Variants in CA13 observed in about 807,000 individuals in gnomAD.
CA13 encodes CA-XIII.
CA13 carries 21 observed loss-of-function variants against 31.5 expected under a neutral mutation model. That is an observed-to-expected ratio of 0.67 (90% CI 0.47 to 0.96). The LOEUF (loss-of-function observed/expected upper bound fraction) is 0.96, where lower values mean the gene tolerates loss of function less well. Ranked by LOEUF, CA13 falls within the 40% of genes least tolerant of loss-of-function variation. The probability of loss-of-function intolerance (pLI) is 0.00; values close to 1 mark genes in which losing one functional copy is unlikely to be tolerated. For synonymous variants in CA13, 117 were observed against 111.4 expected, an observed-to-expected ratio of 1.05 and a Z score of -0.32; for missense variants, 315 against 318.9, an observed-to-expected ratio of 0.99 and a Z score of 0.09.
At chr8:85,275,212 C>T (rs1807585311) in intron 6 of CA13, among the ~76,000 whole-genome samples, 1 of 152,106 alleles carries the variant, frequency 6.6e-6, no homozygotes, top group Admixed American at 6.5e-5. Context: ...GTAATTTTGG[C>T]CACCCCTCTG....
At chr8:85,248,239 C>T (rs1272301812) in intron 1 of CA13, among the ~76,000 whole-genome samples, 1 of 152,090 alleles carries the variant, frequency 6.6e-6, no homozygotes, top group Non-Finnish European at 1.5e-5. Flanking sequence ...GGGTGGATCA[C>T]CTGAGATCGG....
In CA13 at chr8:85,268,370, A is replaced by G. The variant is rs190138334; in HGVS notation, c.514-102A>G. The G allele has an allele frequency of 1.0e-5, 10 of 986,172 alleles. No individual in the cohort carries two copies. In the Admixed American group the frequency reaches 1.9e-4, roughly 19 times the overall value. The allele number at this position is 986,172 out of a possible 1,614,324, so 61.1% of individuals were successfully genotyped here. A position where few individuals can be genotyped will look rare whatever the true frequency, so the allele number is the denominator to read the frequency against. On this transcript the variant is annotated intron_variant, in intron 5 of 6. Coordinates refer to ENST00000321764, the MANE Select transcript of CA13 (RefSeq NM_198584.3). ...ATAATTCTAGATGCAGATATTCTGT[A>G]TTGTTTATGGAATTATAATGGAAGT...
Position 85,283,892 on chromosome 8 carries a change from C to G in CA13, c.*2543C>G, listed in dbSNP as rs1807742662. 6.6e-6 allele frequency: 1 copy of G among 152,176 alleles called. No homozygotes were observed. The highest frequency in any genetic ancestry group is 6.5e-5 in the Admixed American group (1 of 15,276). 9.4% of individuals were successfully genotyped at this position (152,176 alleles called of 1,614,324 possible). A position where few individuals can be genotyped will look rare whatever the true frequency, so the allele number is the denominator to read the frequency against. On this transcript the variant is annotated 3_prime_UTR_variant, in exon 7 of 7. Transcript: ENST00000321764. ...TGTTAATTGATATATCTTCTAGAGG[C>G]AAAAGGTTTAAATGTGTTAAAATGG...
chr8:85,272,176 C>G (rs1287864668), intron 6 of CA13, among the ~76,000 whole-genome samples: 1 of 152,154 alleles, frequency 6.6e-6, no homozygotes, highest in Non-Finnish European at 1.5e-5. Flanking sequence ...TGTGCTGTCA[C>G]TAGAATTTAA....
chr8:85,277,470 T>C (rs11261469), intron 6 of CA13, among the ~76,000 whole-genome samples: 94,125 of 151,900 alleles, frequency 0.62, 29,665 homozygotes, highest in Non-Finnish European at 0.65. Context: ...CCGGACATGC[T>C]GCGTTTAAGT....
chr8:85,252,318 G>A (rs908180665), intron 2 of CA13, among the ~76,000 whole-genome samples: 3 of 152,094 alleles, frequency 2.0e-5, no homozygotes, highest in African/African-American at 7.2e-5. Flanking sequence ...TGCTTGTATC[G>A]TAATTTATGT....
intron 2 of CA13, among the ~76,000 whole-genome samples, chr8:85,255,806 G>A (rs1161743716): frequency 6.6e-6 from 1 of 152,112 alleles, no homozygotes; most frequent in Admixed American, 6.6e-5. Context: ...ACAGTATCTC[G>A]CTGCTTTGGG....
intron 6 of CA13, among the ~76,000 whole-genome samples, chr8:85,278,607 T>C (rs112445957): frequency 0.025 from 3,718 of 151,706 alleles, 145 homozygotes; most frequent in African/African-American, 0.085. Context: ...GTTGGGAATT[T>C]GCTTAAAAAT....
Position 85,273,261 on chromosome 8 carries a change from A to G in CA13, c.669+4634A>G, listed in dbSNP as rs115254767. Among the ~76,000 whole-genome samples the G allele has an allele frequency of 2.9e-3, 439 of 152,296 alleles. 2 individuals are homozygous for G. The highest frequency in any genetic ancestry group is 0.01 in the African/African-American group (429 of 41,556). On this transcript the variant is annotated intron_variant, in intron 6 of 6. Transcript: ENST00000321764. ...TCTAACTTTAGGTATTCTAGTGGGC[A>G]TGTGTGATTTTAATTTGCATTTATC...
intron 1 of CA13, 142 bp downstream of exon 1, chr8:85,246,007 T>G: frequency 1.1e-6 from 1 of 934,556 alleles, no homozygotes; most frequent in Non-Finnish European, 1.7e-6. Context: ...GCAGCACTCC[T>G]GGGAGCCCAG....
At chr8:85,268,981 CAAAA>C (rs1367024569) in intron 6 of CA13, among the ~76,000 whole-genome samples, 13 of 152,158 alleles carry the variant, frequency 8.5e-5, no homozygotes, top group Admixed American at 4.6e-4. Context: ...GAGATACAAA[CAAAA>C]AAATCAGAGA....
chr8:85,264,966 A>G (rs146085308), intron 3 of CA13, among the ~76,000 whole-genome samples: 51 of 152,334 alleles, frequency 3.3e-4, no homozygotes, highest in African/African-American at 1.2e-3. Flanking sequence ...TTGTTTGTGC[A>G]TGATGCACTG....
intron 6 of CA13, among the ~76,000 whole-genome samples, chr8:85,280,786 G>A (rs951213742): frequency 3.3e-5 from 5 of 152,286 alleles, no homozygotes; most frequent in East Asian, 1.9e-4. Context: ...AAATAGTGAT[G>A]TAGGTTGATA....
intron 6 of CA13, among the ~76,000 whole-genome samples, chr8:85,276,633 T>C (rs1807614081): frequency 6.6e-6 from 1 of 151,942 alleles, no homozygotes. Context: ...AATGCACCAA[T>C]GGACACTCTG....
chr8:85,260,594 T>C (rs1432784169), intron 3 of CA13, among the ~76,000 whole-genome samples: 2 of 152,188 alleles, frequency 1.3e-5, no homozygotes, highest in African/African-American at 4.8e-5. Flanking sequence ...AAATCACTTG[T>C]GTTTGAGGCC....
intron 6 of CA13, among the ~76,000 whole-genome samples, chr8:85,276,017 G>T (rs1331063104): frequency 6.6e-6 from 1 of 152,216 alleles, no homozygotes; most frequent in African/African-American, 2.4e-5. Flanking sequence ...TTTCTGGGCT[G>T]GCCAAGGCCG....
At chr8:85,275,158 A>G (rs887065302) in intron 6 of CA13, among the ~76,000 whole-genome samples, 5 of 152,140 alleles carry the variant, frequency 3.3e-5, no homozygotes, top group Non-Finnish European at 5.9e-5. Context: ...TTGACAAGAC[A>G]TAATTGAGGT....
intron 3 of CA13, among the ~76,000 whole-genome samples, chr8:85,260,735 G>A (rs573180629): frequency 1.3e-5 from 2 of 152,310 alleles, no homozygotes; most frequent in South Asian, 2.1e-4. Flanking sequence ...TTTGTATGGT[G>A]TCTCAATTTG....
intron 6 of CA13, among the ~76,000 whole-genome samples, chr8:85,271,311 C>T (rs1266742650): frequency 6.6e-6 from 1 of 152,190 alleles, no homozygotes; most frequent in Non-Finnish European, 1.5e-5. Flanking sequence ...GATATGAATA[C>T]TAAGTGTAGT....
Sources: gnomAD v4.1 joint callset for allele counts (sites outside exome capture counted in the v4.1 genomes callset) on GRCh38, gnomAD v4.1.1 for gene constraint, MANE v1.5 for transcripts, NCBI Gene and HGNC (gene_info 2026-07-23, HGNC 2026-07-21) for gene names.